Variants in XKR6 observed in about 807,000 individuals in gnomAD.
XKR6 encodes the protein XK related 6, also known as XK-related protein 6.
Under a neutral mutation model 56.7 loss-of-function variants are expected in XKR6, and 22 were observed. The ratio of observed to expected loss-of-function variants is 0.39; its 90% confidence interval spans 0.28 to 0.55. XKR6 has a LOEUF of 0.55. Ranked by LOEUF, XKR6 falls within the 20% of genes least tolerant of loss-of-function variation. XKR6 has a pLI of 0.66. For missense variants in XKR6, 852 were observed against 889.0 expected, an observed-to-expected ratio of 0.96 and a Z score of 0.53; for synonymous variants, 524 against 387.8, an observed-to-expected ratio of 1.35 and a Z score of -4.13.
chr8:11,150,138 T>C (rs767947575), intron 1 of XKR6, among the ~76,000 whole-genome samples: 8 of 152,106 alleles, frequency 5.3e-5, no homozygotes, highest in Admixed American at 2.0e-4. Flanking sequence ...AACACACGGT[T>C]AGAAGGTGTA....
At chr8:11,173,310 C>G (rs977786512) in intron 1 of XKR6, among the ~76,000 whole-genome samples, 12 of 151,250 alleles carry the variant, frequency 7.9e-5, no homozygotes, top group Non-Finnish European at 1.6e-4. Context: ...TGCCACTGCA[C>G]TCCAGCCTGG....
intron 1 of XKR6, among the ~76,000 whole-genome samples, chr8:10,931,416 C>T (rs1374970172): frequency 6.6e-6 from 1 of 151,860 alleles, no homozygotes; most frequent in African/African-American, 2.4e-5. Context: ...TTTTTAAATA[C>T]AGACAAGCCA....
chr8:11,154,941 C>T (rs1204266062), intron 1 of XKR6, among the ~76,000 whole-genome samples: 1 of 152,158 alleles, frequency 6.6e-6, no homozygotes, highest in Admixed American at 6.5e-5. Context: ...AATCTGCTGA[C>T]AACATGTCTA....
intron 1 of XKR6, among the ~76,000 whole-genome samples, chr8:10,946,315 C>T (rs1286912242): frequency 6.6e-6 from 1 of 152,094 alleles, no homozygotes; most frequent in Non-Finnish European, 1.5e-5. Context: ...TGAAGTCACC[C>T]ACACTCCACC....
At chr8:11,019,877 A>G (rs533021159) in intron 1 of XKR6, among the ~76,000 whole-genome samples, 1 of 152,288 alleles carries the variant, frequency 6.6e-6, no homozygotes, top group East Asian at 1.9e-4. Context: ...GAGAAATCCG[A>G]TCAGAGGTTG....
chr8:11,061,057 T>C (rs1799821179), intron 1 of XKR6, among the ~76,000 whole-genome samples: 1 of 152,182 alleles, frequency 6.6e-6, no homozygotes, highest in Non-Finnish European at 1.5e-5. Flanking sequence ...GGGTTGGAGA[T>C]GGCCCGTCTG....
chr8:11,081,440 A>G (rs1797718334), intron 1 of XKR6, among the ~76,000 whole-genome samples: 1 of 152,250 alleles, frequency 6.6e-6, no homozygotes, highest in Admixed American at 6.5e-5. Flanking sequence ...ACAGTTCATC[A>G]CAAATATATT....
intron 1 of XKR6, among the ~76,000 whole-genome samples, chr8:10,976,411 A>G (rs1802560248): frequency 6.6e-6 from 1 of 152,090 alleles, no homozygotes; most frequent in Non-Finnish European, 1.5e-5. Flanking sequence ...AGAGACCCGG[A>G]GGCATGCAGA....
At chr8:11,014,408 C>T (rs568549187) in intron 1 of XKR6, among the ~76,000 whole-genome samples, 67 of 152,310 alleles carry the variant, frequency 4.4e-4, no homozygotes, top group Middle Eastern at 3.4e-3. Context: ...GTGAATGATC[C>T]TTCCGTAAAG....
intron 1 of XKR6, among the ~76,000 whole-genome samples, chr8:10,988,974 T>C (rs567267317): frequency 6.6e-6 from 1 of 152,340 alleles, no homozygotes; most frequent in East Asian, 1.9e-4. Context: ...ACACATAAAA[T>C]ACTTGCTTGA....
intron 1 of XKR6, chr8:11,124,888 T>C (rs905682671): frequency 6.7e-6 from 1 of 149,420 alleles, no homozygotes; most frequent in African/African-American, 2.5e-5. Flanking sequence ...ATTGAGACCA[T>C]CCTGGCTAAC....
intron 1 of XKR6, among the ~76,000 whole-genome samples, chr8:11,134,857 A>AGTACAACCACATAAAATGCT (rs1334262639): frequency 6.6e-5 from 10 of 152,144 alleles, no homozygotes; most frequent in African/African-American, 2.4e-4. Context: ...ATTAAACTAC[A>AGTACAACCACATAAAATGCT]GTACAACCAC....
intron 1 of XKR6, among the ~76,000 whole-genome samples, chr8:11,026,119 T>A (rs1299545777): frequency 6.6e-6 from 1 of 152,156 alleles, no homozygotes; most frequent in Non-Finnish European, 1.5e-5. Flanking sequence ...ACAGAGTGAG[T>A]TACACATGCC....
chr8:11,128,723 C>A, intron 1 of XKR6: 1 of 409,304 alleles, frequency 2.4e-6, no homozygotes, highest in Non-Finnish European at 4.8e-6. Context: ...CTATTCCATC[C>A]CATTAAAAAT....
At chr8:11,000,527 A>T (rs930713989) in intron 1 of XKR6, among the ~76,000 whole-genome samples, 1 of 152,110 alleles carries the variant, frequency 6.6e-6, no homozygotes, top group Non-Finnish European at 1.5e-5. Context: ...TCTACTAAAA[A>T]TGCAAAAATT....
intron 1 of XKR6, among the ~76,000 whole-genome samples, chr8:11,145,549 A>G (rs1041146325): frequency 3.3e-5 from 5 of 152,254 alleles, no homozygotes; most frequent in Non-Finnish European, 7.3e-5. Flanking sequence ...AGATAAAAAC[A>G]TCAACTGTAT....
rs540104217 is a variant in XKR6, at chr8:11,187,376, A to G, written c.764+13200T>C. On this transcript the variant is annotated intron_variant, in intron 1 of 2. Coordinates refer to ENST00000416569, the MANE Select transcript of XKR6 (RefSeq NM_173683.4). ...AAACAAGAACTTCCCAATGCAACTG[A>G]AACTTGACATTCTCAAAAGCTGCAT... 2.6e-5 allele frequency among the ~76,000 whole-genome samples: 4 copies of G among 152,324 alleles called. No individual in the cohort carries two copies. In the East Asian group the frequency reaches 7.7e-4, roughly 29 times the overall value.
At chr8:11,158,578 G>C (rs999882818) in intron 1 of XKR6, among the ~76,000 whole-genome samples, 1 of 152,118 alleles carries the variant, frequency 6.6e-6, no homozygotes, top group Non-Finnish European at 1.5e-5. Flanking sequence ...AGTCGCCATT[G>C]AGACCCTGAC....
At chr8:11,199,618 A>G (rs1252958653) in intron 1 of XKR6, among the ~76,000 whole-genome samples, 1 of 152,234 alleles carries the variant, frequency 6.6e-6, no homozygotes, top group African/African-American at 2.4e-5. Context: ...TTTAAGTAAG[A>G]GGGCACAGAT....
Sources: gnomAD v4.1 joint callset for allele counts (sites outside exome capture counted in the v4.1 genomes callset) on GRCh38, gnomAD v4.1.1 for gene constraint, MANE v1.5 for transcripts, NCBI Gene and HGNC (gene_info 2026-07-23, HGNC 2026-07-21) for gene names.